Variants in CTNNA3 observed in about 807,000 individuals in gnomAD.
CTNNA3 encodes the protein catenin alpha-3.
A neutral mutation model predicts 95.7 loss-of-function variants in CTNNA3; 76 were observed. The ratio of observed to expected loss-of-function variants is 0.79; its 90% confidence interval spans 0.66 to 0.96. CTNNA3 has a LOEUF of 0.96. Among genes scored for constraint, CTNNA3 ranks in the 40% least tolerant of loss-of-function variants. CTNNA3 has a pLI of 0.00. For missense variants in CTNNA3, 1,191 were observed against 1,089.8 expected, an observed-to-expected ratio of 1.09 and a Z score of -1.31; for synonymous variants, 431 against 374.4, an observed-to-expected ratio of 1.15 and a Z score of -1.74.
intron 9 of CTNNA3, among the ~76,000 whole-genome samples, chr10:66,734,870 T>A (rs1296270290): frequency 2.8e-5 from 2 of 70,852 alleles, no homozygotes; most frequent in Non-Finnish European, 5.5e-5. Flanking sequence ...GGAAGACTGT[T>A]TCAAAAAAAA....
intron 12 of CTNNA3, among the ~76,000 whole-genome samples, chr10:66,296,415 T>C (rs1034593551): frequency 6.6e-6 from 1 of 152,160 alleles, no homozygotes; most frequent in Admixed American, 6.5e-5. Context: ...CACGAAATTC[T>C]GTCTCCTCTT....
At chr10:66,988,766 A>AT (rs1484252966) in intron 7 of CTNNA3, among the ~76,000 whole-genome samples, 1 of 151,940 alleles carries the variant, frequency 6.6e-6, no homozygotes. Flanking sequence ...GACAGGTGCA[A>AT]TTTTTTTCCT....
intron 12 of CTNNA3, among the ~76,000 whole-genome samples, chr10:66,300,999 A>C (rs2091854532): frequency 6.6e-6 from 1 of 152,068 alleles, no homozygotes; most frequent in Non-Finnish European, 1.5e-5. Flanking sequence ...GGACTATGAC[A>C]ACTGATATCA....
chr10:67,709,998 C>T lies in CTNNA3; in HGVS notation c.-2+53436G>A, dbSNP rs187424027. 3.8e-3 allele frequency among the ~76,000 whole-genome samples: 572 copies of T among 152,170 alleles called. 7 individuals carry two copies. The highest frequency in any genetic ancestry group is 0.013 in the African/African-American group (543 of 41,524). On this transcript the variant is annotated intron_variant, in intron 1 of 17. Coordinates refer to the CTNNA3 transcript ENST00000684154. ...AATGCCAGGTGTGTCCCACAACTAC[C>T]GTGACAACCAAAACTGCCCCTGCGG...
rs375484866 is a variant in CTNNA3, at chr10:66,287,299, G to C, written c.1733-6678C>G. On this transcript the variant is annotated intron_variant, in intron 12 of 17. Transcript: ENST00000433211. ...AACAGAATGAGAGCCCCTTGCCTCT[G>C]CCCTACCTTTTTGTAAAGCTCCTAT... is the stretch of plus-strand genomic sequence containing the variant. 5.0e-4 allele frequency among the ~76,000 whole-genome samples: 76 copies of C among 152,108 alleles called. No individual in the cohort carries two copies. In the South Asian group the frequency reaches 0.015, roughly 31 times the overall value.
At chr10:66,121,345 G>C in intron 13 of CTNNA3, among the ~76,000 whole-genome samples, 1 of 152,158 alleles carries the variant, frequency 6.6e-6, no homozygotes, top group East Asian at 1.9e-4. Context: ...ACTGCTAGTT[G>C]TAGCTAGAAA....
intron 7 of CTNNA3, among the ~76,000 whole-genome samples, chr10:66,877,906 G>T (rs531048703): frequency 1.8e-3 from 267 of 152,226 alleles, no homozygotes; most frequent in South Asian, 8.9e-3. Context: ...TCAAAACTTA[G>T]AAATATTAAG....
At chr10:67,228,871 C>T (rs1865060490) in intron 5 of CTNNA3, among the ~76,000 whole-genome samples, 1 of 152,126 alleles carries the variant, frequency 6.6e-6, no homozygotes, top group East Asian at 1.9e-4. Flanking sequence ...GATGGACTCA[C>T]AGCAGAATTC....
intron 17 of CTNNA3, among the ~76,000 whole-genome samples, chr10:65,956,022 CTTTTT>C (rs1196586609): frequency 2.0e-5 from 3 of 152,030 alleles, no homozygotes; most frequent in Non-Finnish European, 2.9e-5. Context: ...TGGTCCTGGA[CTTTTT>C]TTGGTTGGTA....
chr10:66,625,612 C>T (rs1346410455), intron 9 of CTNNA3, among the ~76,000 whole-genome samples: 1 of 152,070 alleles, frequency 6.6e-6, no homozygotes, highest in African/African-American at 2.4e-5. Context: ...TGGTTTTGAC[C>T]TCCTGACCTC....
intron 9 of CTNNA3, among the ~76,000 whole-genome samples, chr10:66,633,076 A>G (rs1845202155): frequency 6.6e-6 from 1 of 152,178 alleles, no homozygotes; most frequent in East Asian, 1.9e-4. Flanking sequence ...TACAACTGGA[A>G]GGTAAATGGC....
At chr10:67,018,837 T>C (rs565955690) in intron 7 of CTNNA3, among the ~76,000 whole-genome samples, 1 of 152,366 alleles carries the variant, frequency 6.6e-6, no homozygotes, top group East Asian at 1.9e-4. Context: ...ATATTATTAC[T>C]ACCCAGGCAT....
intron 9 of CTNNA3, among the ~76,000 whole-genome samples, chr10:66,758,956 G>A (rs182801184): frequency 1.3e-4 from 20 of 150,578 alleles, no homozygotes; most frequent in Admixed American, 5.3e-4. Flanking sequence ...ACAAACAAAC[G>A]ACAACAAAAG....
At chr10:67,637,066 G>A (rs751127540) in intron 2 of CTNNA3, among the ~76,000 whole-genome samples, 4 of 152,094 alleles carry the variant, frequency 2.6e-5, no homozygotes, top group African/African-American at 7.2e-5. Context: ...AAACTTCTCC[G>A]AGCTAAAGGA....
At chr10:66,735,907 A>T (rs889555333) in intron 9 of CTNNA3, among the ~76,000 whole-genome samples, 1 of 152,168 alleles carries the variant, frequency 6.6e-6, no homozygotes, top group African/African-American at 2.4e-5. Context: ...ACATCCAAAT[A>T]GGGGCTTTAT....
At chr10:66,860,684 A>T (rs1386182334) in intron 7 of CTNNA3, among the ~76,000 whole-genome samples, 2 of 152,166 alleles carry the variant, frequency 1.3e-5, no homozygotes, top group African/African-American at 4.8e-5. Context: ...GACAATCACA[A>T]CCATTAAACT....
chr10:66,294,153 G>T (rs2091736974), intron 12 of CTNNA3, among the ~76,000 whole-genome samples: 1 of 152,128 alleles, frequency 6.6e-6, no homozygotes, highest in Non-Finnish European at 1.5e-5. Context: ...TGTTTTAAAT[G>T]AATCATCTCT....
At chr10:66,161,276 T>C (rs1016546502) in intron 13 of CTNNA3, among the ~76,000 whole-genome samples, 8 of 152,202 alleles carry the variant, frequency 5.3e-5, no homozygotes, top group Admixed American at 4.6e-4. Context: ...TTTACTTGTG[T>C]TTTTGTTTTA....
intron 7 of CTNNA3, among the ~76,000 whole-genome samples, chr10:67,063,960 A>G (rs1223357401): frequency 1.3e-5 from 2 of 152,314 alleles, no homozygotes; most frequent in East Asian, 3.9e-4. Flanking sequence ...CAGCTAATCA[A>G]CACAACAAAA....
Sources: allele counts gnomAD v4.1 joint callset (sites outside exome capture counted in the v4.1 genomes callset), GRCh38; gene constraint gnomAD v4.1.1; transcripts MANE v1.5; gene names NCBI Gene and HGNC (gene_info 2026-07-23, HGNC 2026-07-21).